The following NLGN1 variants were observed in gnomAD, a reference collection of about 807,000 sequenced individuals.
NLGN1 encodes neuroligin 1, also known as neuroligin-1.
In NLGN1, 12 loss-of-function variants were observed where a neutral mutation model predicts 65.5. That is an observed-to-expected ratio of 0.18 (90% CI 0.12 to 0.30). The LOEUF is 0.30. NLGN1 is among the 10% of genes least tolerant of loss of function. The probability of loss-of-function intolerance (pLI) is 1.00; values close to 1 mark genes in which losing one functional copy is unlikely to be tolerated. For missense variants in NLGN1, 750 were observed against 1,007.1 expected (o/e 0.74, Z 3.46); for synonymous variants, 350 against 359.5 (o/e 0.97, Z 0.30).
chr3:173,653,033 C>A (rs192885311), intron 3 of NLGN1, among the ~76,000 whole-genome samples: 35 of 151,900 alleles, frequency 2.3e-4, no homozygotes, highest in Non-Finnish European at 4.3e-4. Flanking sequence ...TGATTTTGTT[C>A]TCGGTTTCAT....
intron 3 of NLGN1, among the ~76,000 whole-genome samples, chr3:173,667,239 G>GCACACACACACACGCA (rs1553794605): frequency 9.5e-5 from 14 of 147,328 alleles, no homozygotes; most frequent in African/African-American, 3.6e-4. Flanking sequence ...ACACGCATAT[G>GCACACACACACACGCA]CACACACACA....
chr3:174,065,965 C>T (rs1738460033), intron 4 of NLGN1, among the ~76,000 whole-genome samples: 1 of 152,084 alleles, frequency 6.6e-6, no homozygotes, highest in African/African-American at 2.4e-5. Context: ...CTAAGCAGCA[C>T]CAAAATTTGT....
chr3:173,886,508 A>C (rs962088994), intron 4 of NLGN1, among the ~76,000 whole-genome samples: 1 of 152,236 alleles, frequency 6.6e-6, no homozygotes, highest in African/African-American at 2.4e-5. Flanking sequence ...ATTAAGACAA[A>C]GAATATTCAA....
At chr3:173,980,918 C>A (rs1442199301) in intron 4 of NLGN1, among the ~76,000 whole-genome samples, 2 of 151,940 alleles carry the variant, frequency 1.3e-5, no homozygotes, top group African/African-American at 2.4e-5. Flanking sequence ...GTAATTTGAT[C>A]CTTTGATCCA....
At chr3:174,113,101 A>G (rs900995335) in intron 4 of NLGN1, among the ~76,000 whole-genome samples, 2 of 151,966 alleles carry the variant, frequency 1.3e-5, no homozygotes, top group African/African-American at 4.8e-5. Context: ...GCTACTTAAA[A>G]TAAAGTAATC....
intron 1 of NLGN1, among the ~76,000 whole-genome samples, chr3:173,415,877 A>G (rs1454358207): frequency 6.7e-6 from 1 of 149,082 alleles, no homozygotes; most frequent in Non-Finnish European, 1.5e-5. Flanking sequence ...CCTGTGGAAC[A>G]TTGCAAGGAG....
intron 4 of NLGN1, among the ~76,000 whole-genome samples, chr3:173,970,877 G>A (rs975427476): frequency 2.0e-5 from 3 of 152,156 alleles, no homozygotes; most frequent in African/African-American, 4.8e-5. Context: ...GGCAGTAATG[G>A]AGGAGTAGGG....
At chr3:173,809,431 T>G (rs1036361290) in intron 4 of NLGN1, among the ~76,000 whole-genome samples, 2 of 152,146 alleles carry the variant, frequency 1.3e-5, no homozygotes, top group Non-Finnish European at 2.9e-5. Context: ...TGATTATTAT[T>G]CTTATATTTT....
At chr3:173,611,960 A>T (rs1182225854) in intron 3 of NLGN1, among the ~76,000 whole-genome samples, 3 of 151,948 alleles carry the variant, frequency 2.0e-5, no homozygotes, top group Non-Finnish European at 4.4e-5. Flanking sequence ...TATTCTTTTC[A>T]CATATATGGC....
chr3:173,510,473 G>T (rs981037356), intron 2 of NLGN1, among the ~76,000 whole-genome samples: 1 of 152,160 alleles, frequency 6.6e-6, no homozygotes, highest in African/African-American at 2.4e-5. Flanking sequence ...GCAGTGAAAG[G>T]TTCAGGTAGA....
intron 3 of NLGN1, among the ~76,000 whole-genome samples, chr3:173,608,934 C>T (rs183009016): frequency 6.6e-5 from 10 of 152,010 alleles, no homozygotes; most frequent in Admixed American, 2.6e-4. Context: ...ATTACTTTTG[C>T]GCCAATCTAA....
intron 2 of NLGN1, among the ~76,000 whole-genome samples, chr3:173,527,558 C>T (rs558627941): frequency 2.2e-4 from 34 of 152,174 alleles, no homozygotes; most frequent in Non-Finnish European, 4.6e-4. Flanking sequence ...CCACCACGCC[C>T]GGCTAATTTT....
chr3:173,785,615 T>C (rs1426437115), intron 3 of NLGN1, among the ~76,000 whole-genome samples: 1 of 152,108 alleles, frequency 6.6e-6, no homozygotes, highest in Non-Finnish European at 1.5e-5. Context: ...TTGACTAAAT[T>C]TCTAAGTACA....
chr3:174,187,979 T>C (rs911481542), intron 4 of NLGN1, among the ~76,000 whole-genome samples: 1 of 152,016 alleles, frequency 6.6e-6, no homozygotes, highest in Admixed American at 6.6e-5. Flanking sequence ...ATTGAATGAA[T>C]CAATCAACAT....
In NLGN1 at chr3:173,747,804, T is replaced by TTC. The variant is rs1560289494; in HGVS notation, c.494-59875_494-59874insCT. Among the ~76,000 whole-genome samples the TTC allele has an allele frequency of 3.6e-3, 244 of 68,428 alleles. 2 individuals are homozygous for TTC. Among genetic ancestry groups the TTC allele is most frequent in the Middle Eastern group, 0.023 (3 of 132 alleles). 44.9% of individuals were successfully genotyped at this position (68,428 alleles called of 152,430 possible). ...TTTCTTTCTTCTTCTTCTTGTTCTT[T>TTC]TTTTTTTTTTTTTTTTTTTTTTTTT... On this transcript the variant is annotated intron_variant, in intron 3 of 6. Transcript: ENST00000457714.
intron 4 of NLGN1, among the ~76,000 whole-genome samples, chr3:173,913,164 G>A (rs1366558920): frequency 6.6e-6 from 1 of 152,028 alleles, no homozygotes; most frequent in African/African-American, 2.4e-5. Context: ...ACTGCCTCAA[G>A]GAAAAAACAG....
intron 4 of NLGN1, among the ~76,000 whole-genome samples, chr3:174,111,819 TAAATG>T (rs1230396886): frequency 1.3e-5 from 2 of 151,920 alleles, no homozygotes; most frequent in Non-Finnish European, 2.9e-5. Flanking sequence ...GAAAACTAAA[TAAATG>T]AGAGCAACAC....
At chr3:173,847,466 T>C (rs1725998148) in intron 4 of NLGN1, among the ~76,000 whole-genome samples, 1 of 152,208 alleles carries the variant, frequency 6.6e-6, no homozygotes, top group South Asian at 2.1e-4. Context: ...TTTCCAACAA[T>C]GATGGCTACC....
intron 2 of NLGN1, among the ~76,000 whole-genome samples, chr3:173,601,258 G>T (rs1204113019): frequency 6.6e-6 from 1 of 151,896 alleles, no homozygotes; most frequent in Non-Finnish European, 1.5e-5. Context: ...AAAGAATACA[G>T]GGAATTCAAA....
Sources: gnomAD v4.1 joint callset for allele counts (sites outside exome capture counted in the v4.1 genomes callset) on GRCh38, gnomAD v4.1.1 for gene constraint, MANE v1.5 for transcripts, NCBI Gene and HGNC (gene_info 2026-07-23, HGNC 2026-07-21) for gene names.